The following ZNF442 variants were observed in gnomAD, a reference collection of about 807,000 sequenced individuals.
ZNF442 encodes zinc finger protein 442.
A neutral mutation model predicts 57.0 loss-of-function variants in ZNF442; 45 were observed. The observed-to-expected ratio is 0.79, with a 90% CI of 0.62 to 1.01. ZNF442 has a LOEUF of 1.01. Among genes scored for constraint, ZNF442 ranks in the 50% least tolerant of loss-of-function variants. ZNF442 has a pLI of 0.00. For missense variants in ZNF442, 690 were observed against 756.5 expected (o/e 0.91, Z 1.03); for synonymous variants, 213 against 241.8 (o/e 0.88, Z 1.10).
chr19:12,363,468 C>T, intron 3 of ZNF442, 86 bp downstream of exon 3: 2 of 1,318,716 alleles, frequency 1.5e-6, no homozygotes, highest in Non-Finnish European at 2.2e-6. Context: ...GGAGATACTT[C>T]ACTGTGTGCT....
intron 2 of ZNF442, 51 bp downstream of exon 2, chr19:12,364,751 A>T (rs1330937527): frequency 6.6e-6 from 1 of 152,082 alleles, no homozygotes; most frequent in Non-Finnish European, 1.5e-5. Flanking sequence ...CCGTGCACAA[A>T]CCCCACGCAA....
intron 3 of ZNF442, among the ~76,000 whole-genome samples, chr19:12,360,299 A>G (rs2144835871): frequency 6.6e-6 from 1 of 152,346 alleles, no homozygotes; most frequent in South Asian, 2.1e-4. Flanking sequence ...AGTAACAAAT[A>G]CAACCTCAAA....
chr19:12,371,100 C>T, the ZNF442 span, among the ~76,000 whole-genome samples: 2 of 152,082 alleles, frequency 1.3e-5, no homozygotes, highest in Admixed American at 6.6e-5. Context: ...ATAAAAGCAT[C>T]ATGAATTGGA....
intron 5 of ZNF442, 95 bp from the exon 6 acceptor site, chr19:12,351,413 C>T (rs1471503578): frequency 5.2e-6 from 6 of 1,157,578 alleles, no homozygotes; most frequent in East Asian, 2.6e-5. Flanking sequence ...CATCATCATG[C>T]AACGTGTAGG....
Position 12,349,780 on chromosome 19 carries a change from C to T in ZNF442, c.1805G>A (p.Cys602Tyr). The change falls in exon 6 of 6, where the codon TGT (cysteine) becomes TAT (tyrosine). Residue 602 changes from cysteine to tyrosine, a missense_variant. Physicochemically the swap from Cys to Tyr is radical, Grantham distance 194. Transcript: ENST00000242804. ...ACTCAGTGCCTTCCCACATTCCTTA[C>T]ATTCATGCATCTTCTCTCCAGTGTG... is the stretch of plus-strand genomic sequence containing the variant. ...KTHTGEKMHE[C>Y]KECGKALSSL... 1 of 1,614,216 alleles carries T rather than the reference C, an allele frequency of 6.2e-7. No individual in the cohort carries two copies. The highest frequency in any genetic ancestry group is 2.2e-5 in the East Asian group (1 of 44,884).
chr19:12,356,218 C>T (rs1599590336), intron 3 of ZNF442, among the ~76,000 whole-genome samples: 1 of 151,786 alleles, frequency 6.6e-6, no homozygotes, highest in East Asian at 1.9e-4. Flanking sequence ...AAGATTCTAT[C>T]TCAAAAAAAA....
Position 12,350,979 on chromosome 19 carries a change from T to C in ZNF442, c.606A>G (p.Val202=). 1.9e-6 allele frequency: 3 copies of C among 1,614,196 alleles called. No individual in the cohort carries two copies. The highest frequency in any genetic ancestry group is 2.5e-6 in the Non-Finnish European group (3 of 1,180,028). ...ATATATAAGGTCCACCTCCACGTTG[T>C]ACTATTATGTGTCTTCGAAGGTTTC... ...SSGNLRRHII[V]QRGGGPYICK... The change falls in exon 6 of 6, where the codon GTA becomes GTG. Residue 202 remains valine, a synonymous_variant. Transcript: ENST00000242804.
intron 3 of ZNF442, among the ~76,000 whole-genome samples, chr19:12,356,834 G>C (rs1316212419): frequency 7.8e-6 from 1 of 128,588 alleles, no homozygotes; most frequent in African/African-American, 2.9e-5. Flanking sequence ...CATGGTCTGA[G>C]AGCTGATCTA....
At chr19:12,355,043 G>C (rs571103459) in intron 3 of ZNF442, among the ~76,000 whole-genome samples, 1 of 152,046 alleles carries the variant, frequency 6.6e-6, no homozygotes, top group African/African-American at 2.4e-5. Flanking sequence ...TGTAATCCTA[G>C]CACTTTGGAA....
chr19:12,368,970 A>G (rs548512005), upstream of ZNF442, among the ~76,000 whole-genome samples: 3 of 152,318 alleles, frequency 2.0e-5, no homozygotes, highest in African/African-American at 7.2e-5. Flanking sequence ...ATATTAATGA[A>G]TTAAATGCTC....
Position 12,349,969 on chromosome 19 carries a change from G to C in ZNF442, c.1616C>G (p.Thr539Ser), listed in dbSNP as rs117020952. 0.032 allele frequency: 51,806 copies of C among 1,614,200 alleles called. 992 individuals are homozygous for C. The highest frequency in any genetic ancestry group is 0.037 in the Non-Finnish European group (43,849 of 1,180,028). ...GNLKVHERIH[T>S]GEKPYECKEC... ...CTTACATTCATATGGCTTCTCTCCA[G>C]TGTGAATCCTTTCATGGACTTTTAA... The change falls in exon 6 of 6, where the codon ACT becomes AGT. Residue 539 changes from threonine to serine, a missense_variant. Transcript: ENST00000242804.
intron 3 of ZNF442, among the ~76,000 whole-genome samples, chr19:12,357,860 T>C (rs1969359279): frequency 6.6e-6 from 1 of 151,976 alleles, no homozygotes; most frequent in South Asian, 2.1e-4. Context: ...CAACTGCCCA[T>C]CATCCACCAT....
rs759712734 is a variant in ZNF442 at position 12,363,682 on chromosome 19, GGAA to G, written c.-40-14_-40-12del. 1 of 1,520,962 alleles carries G rather than the reference GGAA, an allele frequency of 6.6e-7. No individual in the cohort carries two copies. Among genetic ancestry groups the G allele is most frequent in the Non-Finnish European group, 9.1e-7 (1 of 1,095,388 alleles). The allele number at this position is 1,520,962 out of a possible 1,614,324, so 94.2% of individuals were successfully genotyped here. On this transcript the variant is annotated splice_polypyrimidine_tract_variant and intron_variant, in intron 2 of 5. Coordinates refer to ENST00000242804, the MANE Select transcript of ZNF442 (RefSeq NM_030824.3). ...CCCAAGGAATGGAAACTGGGGTTGG[GGAA>G]GAACAAGGTGATTGTCCCAAGGGTT...
chr19:12,371,148 T>TGA, the ZNF442 span, among the ~76,000 whole-genome samples: 2 of 152,026 alleles, frequency 1.3e-5, no homozygotes, highest in African/African-American at 2.4e-5. Flanking sequence ...AAGCCAAACA[T>TGA]CAAGTGTAAT....
At chr19:12,370,292 G>C (rs1969570368), upstream of ZNF442, among the ~76,000 whole-genome samples, 1 of 151,816 alleles carries the variant, frequency 6.6e-6, no homozygotes, top group African/African-American at 2.4e-5. Flanking sequence ...TGTGTGCGCA[G>C]CTCACAATAG....
rs886347812 is a variant in ZNF442 at position 12,346,104 on chromosome 19, T to G, written c.*3597A>C. ...CAGAAAGGGAGAACACATCTGCATA[T>G]CACATATCAAATAAGGGCTTAATAC... On this transcript the variant is annotated 3_prime_UTR_variant, in exon 6 of 6. Transcript: ENST00000242804. 6.6e-6 allele frequency: 1 copy of G among 151,986 alleles called. No individual in the cohort carries two copies. The highest frequency in any genetic ancestry group is 1.5e-5 in the Non-Finnish European group (1 of 68,020). The allele number at this position is 151,986 out of a possible 1,614,324, so 9.4% of individuals were successfully genotyped here.
intron 1 of ZNF442, 23 bp downstream of exon 1, chr19:12,365,510 G>A: frequency 1.8e-6 from 1 of 562,474 alleles, no homozygotes. Context: ...CCTGCCCCAG[G>A]ACGCCGGGCC....
rs1324149562 is a variant in ZNF442, at chr19:12,347,570, C to T, written c.*2131G>A. On this transcript the variant is annotated 3_prime_UTR_variant, in exon 6 of 6. Transcript: ENST00000242804. Reference sequence around the variant, plus strand: ...CTTTATAACACTCCACCATCCTAAGCTTTAAGTTTCTATTTGGCCACCTGG... The same window carrying T: ...CTTTATAACACTCCACCATCCTAAGTTTTAAGTTTCTATTTGGCCACCTGG... 1.3e-5 allele frequency: 2 copies of T among 152,262 alleles called. No homozygotes were observed. Among genetic ancestry groups the T allele is most frequent in the Non-Finnish European group, 2.9e-5 (2 of 68,068 alleles). 9.4% of individuals were successfully genotyped at this position (152,262 alleles called of 1,614,324 possible). A position where few individuals can be genotyped will look rare whatever the true frequency, so the allele number is the denominator to read the frequency against.
At chr19:12,362,747 T>C (rs1969456937) in intron 3 of ZNF442, among the ~76,000 whole-genome samples, 1 of 152,018 alleles carries the variant, frequency 6.6e-6, no homozygotes, top group Non-Finnish European at 1.5e-5. Flanking sequence ...ATGATGACGA[T>C]GGCGGTTTTG....
Sources: allele counts gnomAD v4.1 joint callset (sites outside exome capture counted in the v4.1 genomes callset), GRCh38; gene constraint gnomAD v4.1.1; transcripts MANE v1.5; gene names NCBI Gene and HGNC (gene_info 2026-07-23, HGNC 2026-07-21).